DHRS12: variants seen among roughly 807,000 people sequenced by gnomAD.
The protein encoded by DHRS12 is dehydrogenase/reductase 12, also known as dehydrogenase/reductase SDR family member 12.
In DHRS12, 29 loss-of-function variants were observed where a neutral mutation model predicts 32.1. The observed-to-expected ratio is 0.90, with a 90% CI of 0.67 to 1.23. The LOEUF (loss-of-function observed/expected upper bound fraction) is 1.23. Ranked by LOEUF, DHRS12 falls within the 50% of genes most tolerant of loss-of-function variation. The pLI, the probability that DHRS12 is intolerant of heterozygous loss-of-function variation, is 0.00. For missense variants in DHRS12, 330 were observed against 337.2 expected (o/e 0.98, Z 0.17); for synonymous variants, 150 against 135.9 (o/e 1.10, Z -0.72).
the DHRS12 span, chr13:51,758,252 T>C: frequency 2.5e-6 from 4 of 1,603,360 alleles, no homozygotes; most frequent in Non-Finnish European, 3.4e-6. Flanking sequence ...TGCATTTCGA[T>C]GCAACCAGAG....
At chr13:51,789,535 T>C (rs1196032568) in intron 4 of DHRS12, 1 of 985,290 alleles carries the variant, frequency 1.0e-6, no homozygotes, top group African/African-American at 1.7e-5. Context: ...GAACCCCACT[T>C]GGAGAGCCAC....
At chr13:51,768,471 T>TA (rs1953853539) in intron 8 of DHRS12, 175 bp from the exon 9 acceptor site, 11 of 1,434,426 alleles carry the variant, frequency 7.7e-6, no homozygotes, top group Non-Finnish European at 1.0e-5. Context: ...CATGGATTGA[T>TA]ATGTAAAGTG....
intron 4 of DHRS12, 110 bp downstream of exon 4, chr13:51,789,897 GTCAT>G (rs1955184542): frequency 7.3e-7 from 1 of 1,366,790 alleles, no homozygotes; most frequent in East Asian, 2.8e-5. Context: ...TAAAGCAAAC[GTCAT>G]CAGGCCCAGG....
intron 4 of DHRS12, among the ~76,000 whole-genome samples, chr13:51,787,367 T>C (rs1326118849): frequency 1.3e-5 from 2 of 152,098 alleles, no homozygotes; most frequent in Non-Finnish European, 1.5e-5. Context: ...CCAAAACCTT[T>C]AAGCTTCTCT....
chr13:51,796,658 C>T (rs758243234), intron 2 of DHRS12, among the ~76,000 whole-genome samples: 3 of 152,222 alleles, frequency 2.0e-5, no homozygotes, highest in Non-Finnish European at 4.4e-5. Flanking sequence ...GGCAAACCTC[C>T]TCCTGTCCGT....
chr13:51,762,669 A>C, the DHRS12 span: 1 of 152,354 alleles, frequency 6.6e-6, no homozygotes, highest in African/African-American at 2.4e-5. Flanking sequence ...TGGCGCCAGC[A>C]CTTGGCTCTT....
At chr13:51,759,066 A>G in the DHRS12 span, among the ~76,000 whole-genome samples, 2 of 152,194 alleles carry the variant, frequency 1.3e-5, no homozygotes, top group South Asian at 2.1e-4. Flanking sequence ...CCTGTAGTCC[A>G]GCTACTTGGG....
chr13:51,781,002 A>G (rs1954678843), intron 4 of DHRS12, among the ~76,000 whole-genome samples: 2 of 152,334 alleles, frequency 1.3e-5, no homozygotes, highest in African/African-American at 4.8e-5. Flanking sequence ...CCACGCTACT[A>G]TCTGACGGAG....
chr13:51,770,396 T>G (rs916937266), intron 7 of DHRS12, among the ~76,000 whole-genome samples: 1 of 152,102 alleles, frequency 6.6e-6, no homozygotes, highest in African/African-American at 2.4e-5. Context: ...AGCCCGCTGG[T>G]GGGCTTGCCA....
the DHRS12 span, chr13:51,756,277 G>C: frequency 1.0e-5 from 16 of 1,566,730 alleles, no homozygotes; most frequent in South Asian, 1.8e-4. Context: ...GAGATGCGGG[G>C]GCCTCAGGAG....
chr13:51,755,495 T>C, the DHRS12 span: 5 of 1,586,806 alleles, frequency 3.2e-6, no homozygotes, highest in Admixed American at 3.3e-5. Flanking sequence ...AATGTAATTA[T>C]ATGGAAATAG....
At chr13:51,757,657 T>TA in the DHRS12 span, among the ~76,000 whole-genome samples, 1 of 151,294 alleles carries the variant, frequency 6.6e-6, no homozygotes, top group Non-Finnish European at 1.5e-5. Context: ...AAAGTATAGG[T>TA]AAAAAATAAT....
chr13:51,768,545 G>A, intron 8 of DHRS12: 1 of 1,366,560 alleles, frequency 7.3e-7, no homozygotes, highest in Non-Finnish European at 9.4e-7. Context: ...GTGATCAGCA[G>A]GAAGGGGTGC....
the DHRS12 span, chr13:51,761,660 C>G: frequency 6.6e-6 from 1 of 152,244 alleles, no homozygotes; most frequent in South Asian, 2.1e-4. Flanking sequence ...TTCATTACTT[C>G]TCTAACTAGG....
rs1054615057 is a variant in DHRS12, at chr13:51,768,304, T to C, written c.698-8A>G. 1.0e-5 allele frequency: 16 copies of C among 1,535,494 alleles called. No homozygotes were observed. Among genetic ancestry groups the C allele is most frequent in the Middle Eastern group, 3.5e-4 (2 of 5,676 alleles). The stretch of plus-strand genomic sequence containing the variant: ...TAGAAACTGGCTTCCGATCTAAAAG[T>C]GAGAGGGAACCGCAGAGAGGTGTGA... On this transcript the variant is annotated splice_polypyrimidine_tract_variant and splice_region_variant and intron_variant, in intron 8 of 8. Coordinates refer to ENST00000444610, the MANE Select transcript of DHRS12 (RefSeq NM_001377533.1).
At chr13:51,787,156 G>A (rs2139211770) in intron 4 of DHRS12, among the ~76,000 whole-genome samples, 1 of 152,234 alleles carries the variant, frequency 6.6e-6, no homozygotes, top group East Asian at 1.9e-4. Flanking sequence ...CAGAGAGGTT[G>A]GAATAATCAG....
chr13:51,756,525 C>T, the DHRS12 span: 1 of 1,548,196 alleles, frequency 6.5e-7, no homozygotes, highest in East Asian at 2.3e-5. Context: ...GAGCCTTGCA[C>T]TCAGCGCCGC....
intron 5 of DHRS12, among the ~76,000 whole-genome samples, chr13:51,776,680 G>C (rs912808270): frequency 6.6e-6 from 1 of 152,138 alleles, no homozygotes; most frequent in Non-Finnish European, 1.5e-5. Context: ...ATTTCAACCC[G>C]CTGGGGGAGA....
At chr13:51,765,413 TG>T (rs1055700702), downstream of DHRS12, 5 of 152,190 alleles carry the variant, frequency 3.3e-5, no homozygotes, top group Admixed American at 2.6e-4. Flanking sequence ...TAAATTGGAA[TG>T]GGATGTCTTC....
Sources: gnomAD v4.1 joint callset for allele counts (sites outside exome capture counted in the v4.1 genomes callset) on GRCh38, gnomAD v4.1.1 for gene constraint, MANE v1.5 for transcripts, NCBI Gene and HGNC (gene_info 2026-07-23, HGNC 2026-07-21) for gene names.